ELP1: variants seen among roughly 807,000 people sequenced by gnomAD.
ELP1 encodes the protein elongator acetyltransferase complex subunit 1, also known as elongator complex protein 1.
A neutral mutation model predicts 183.2 loss-of-function variants in ELP1; 131 were observed. That is an observed-to-expected ratio of 0.72 (90% CI 0.62 to 0.83). The LOEUF (loss-of-function observed/expected upper bound fraction) is 0.83. ELP1 is among the 40% of genes least tolerant of loss of function. The probability of loss-of-function intolerance (pLI) is 0.00; values close to 1 mark genes in which losing one functional copy is unlikely to be tolerated. For synonymous variants in ELP1, 555 were observed against 569.0 expected, an observed-to-expected ratio of 0.98 and a Z score of 0.35; for missense variants, 1,550 against 1,594.9, an observed-to-expected ratio of 0.97 and a Z score of 0.48.
intron 33 of ELP1, among the ~76,000 whole-genome samples, 154 bp from the exon 34 acceptor site, chr9:108,878,904 A>C (rs1405367265): frequency 1.3e-5 from 2 of 152,212 alleles, no homozygotes; most frequent in Non-Finnish European, 2.9e-5. Context: ...TTCAGTTTGA[A>C]TATATAATCT....
chr9:108,907,944 G>A (rs2132006875), intron 13 of ELP1, among the ~76,000 whole-genome samples: 1 of 152,304 alleles, frequency 6.6e-6, no homozygotes, highest in Middle Eastern at 3.4e-3. Flanking sequence ...GACAGAGGCT[G>A]CATTAGGTCA....
rs1365526349 is a variant in ELP1, at chr9:108,874,666, A to G, written c.3931+229T>C. The stretch of plus-strand genomic sequence containing the variant: ...TGCCACATAAATATTTTTAAAAATT[A>G]CACATACAATGGTCATGCTGGATTT... On this transcript the variant is annotated intron_variant, in intron 36 of 36. Coordinates refer to ENST00000374647, the MANE Select transcript of ELP1 (RefSeq NM_003640.5). Among the ~76,000 whole-genome samples the G allele has an allele frequency of 3.3e-5, 5 of 152,236 alleles. No individual in the cohort carries two copies. The East Asian group carries it at 9.6e-4, about 29-fold the overall frequency.
intron 5 of ELP1, 79 bp from the exon 6 acceptor site, chr9:108,923,006 T>G (rs1829705831): frequency 6.6e-6 from 7 of 1,064,374 alleles, no homozygotes; most frequent in Non-Finnish European, 1.0e-5. Context: ...CTTCATGAAG[T>G]TAGTCATTGG....
At chr9:108,892,750 G>C (rs1828391325) in intron 27 of ELP1, among the ~76,000 whole-genome samples, 1 of 152,204 alleles carries the variant, frequency 6.6e-6, no homozygotes. Context: ...GGTTGGGCTA[G>C]AGGAGGGGTG....
At chr9:108,921,324 C>T (rs1224979237) in intron 6 of ELP1, among the ~76,000 whole-genome samples, 1 of 152,154 alleles carries the variant, frequency 6.6e-6, no homozygotes, top group Non-Finnish European at 1.5e-5. Flanking sequence ...GGATTTGCCC[C>T]TTCTGGGCAC....
chr9:108,899,256 C>T (rs10979602), intron 20 of ELP1, among the ~76,000 whole-genome samples: 11,974 of 151,628 alleles, frequency 0.079, 542 homozygotes, highest in East Asian at 0.16. Context: ...GCCGAGATTG[C>T]GCCACTGTAC....
intron 35 of ELP1, 57 bp from the exon 36 acceptor site, chr9:108,875,027 A>T: frequency 8.5e-7 from 1 of 1,181,102 alleles, no homozygotes; most frequent in Non-Finnish European, 1.3e-6. Flanking sequence ...CAAGACTGCC[A>T]ATACCAAAGG....
intron 14 of ELP1, 124 bp downstream of exon 14, chr9:108,906,179 G>A: frequency 1.1e-6 from 1 of 887,874 alleles, no homozygotes; most frequent in Non-Finnish European, 1.8e-6. Flanking sequence ...TGTTAAGTGT[G>A]TCTAACAAGA....
At chr9:108,898,427 A>G (rs1297249440) in intron 22 of ELP1, 75 bp downstream of exon 22, 1 of 977,978 alleles carries the variant, frequency 1.0e-6, no homozygotes, top group Non-Finnish European at 1.6e-6. Flanking sequence ...TTCTCTAGCT[A>G]TTTATGCTTG....
intron 5 of ELP1, among the ~76,000 whole-genome samples, chr9:108,925,016 T>C (rs1301371428): frequency 6.6e-6 from 1 of 152,182 alleles, no homozygotes; most frequent in Admixed American, 6.6e-5. Context: ...TTCTAAAAAA[T>C]GTACTCCCAT....
intron 25 of ELP1, among the ~76,000 whole-genome samples, chr9:108,896,256 CA>C (rs1056721301): frequency 1.3e-5 from 2 of 149,662 alleles, no homozygotes; most frequent in Non-Finnish European, 3.0e-5. Context: ...GACTCCGTCT[CA>C]AAAAAAAAGA....
chr9:108,923,979 T>G (rs917331170), intron 5 of ELP1, among the ~76,000 whole-genome samples: 1 of 152,216 alleles, frequency 6.6e-6, no homozygotes, highest in African/African-American at 2.4e-5. Flanking sequence ...ATATGACCAT[T>G]TCCTGTCTGC....
At chr9:108,928,172 T>C (rs767385737) in intron 3 of ELP1, among the ~76,000 whole-genome samples, 27 of 152,156 alleles carry the variant, frequency 1.8e-4, no homozygotes, top group Non-Finnish European at 1.8e-4. Flanking sequence ...TATGTACTCA[T>C]AAAAATTAAA....
chr9:108,926,703 G>A, intron 4 of ELP1, 100 bp from the exon 5 acceptor site: 1 of 820,298 alleles, frequency 1.2e-6, no homozygotes. Flanking sequence ...GAGTTAGTCT[G>A]AACAGAGCAG....
At chr9:108,895,578 A>G (rs1828510159) in intron 25 of ELP1, among the ~76,000 whole-genome samples, 1 of 152,188 alleles carries the variant, frequency 6.6e-6, no homozygotes, top group African/African-American at 2.4e-5. Context: ...ATGGAAAGAT[A>G]CACAGAGGCC....
At chr9:108,877,118 A>G (rs1827733713) in intron 35 of ELP1, among the ~76,000 whole-genome samples, 1 of 152,168 alleles carries the variant, frequency 6.6e-6, no homozygotes, top group South Asian at 2.1e-4. Context: ...TCCCTCAGAA[A>G]TGCCAGGATT....
intron 15 of ELP1, 116 bp downstream of exon 15, chr9:108,903,447 A>G: frequency 2.6e-6 from 2 of 767,516 alleles, no homozygotes; most frequent in Non-Finnish European, 4.6e-6. Context: ...AGGGTTTTCC[A>G]GGGTAGTTAA....
At chr9:108,915,929 T>C (rs576880391) in intron 10 of ELP1, among the ~76,000 whole-genome samples, 1 of 152,108 alleles carries the variant, frequency 6.6e-6, no homozygotes, top group African/African-American at 2.4e-5. Context: ...CATGTGTGGA[T>C]TTTGGCGTCC....
chr9:108,898,860 A>G (rs1190325050), intron 20 of ELP1, 111 bp from the exon 21 acceptor site: 4 of 744,688 alleles, frequency 5.4e-6, no homozygotes, highest in Middle Eastern at 7.1e-4. Context: ...TACAGCCCCA[A>G]TGCCAAGCTG....
Sources: gnomAD v4.1 joint callset for allele counts (sites outside exome capture counted in the v4.1 genomes callset) on GRCh38, gnomAD v4.1.1 for gene constraint, MANE v1.5 for transcripts, NCBI Gene and HGNC (gene_info 2026-07-23, HGNC 2026-07-21) for gene names.